HCST: variants seen among roughly 807,000 people sequenced by gnomAD.
HCST encodes the protein DNAX-activation protein 10.
Under a neutral mutation model 10.8 loss-of-function variants are expected in HCST, and 12 were observed. That is an observed-to-expected ratio of 1.12 (90% CI 0.72 to 1.81). The LOEUF (loss-of-function observed/expected upper bound fraction) is 1.81. HCST is among the 40% of genes most tolerant of loss of function. The pLI, the probability that HCST is intolerant of heterozygous loss-of-function variation, is 0.00. For synonymous variants in HCST, 59 were observed against 51.6 expected (o/e 1.14, Z -0.61); for missense variants, 102 against 117.9 (o/e 0.87, Z 0.62).
rs776053431 is a variant in HCST at position 35,903,811 on chromosome 19, T to C, written c.149T>C (p.Leu50Pro). The change falls in exon 3 of 4, where the codon CTG (leucine) becomes CCG (proline). Residue 50 changes from leucine (L) to proline (P), a missense_variant. Leu to Pro is a moderately conservative substitution (Grantham distance 98). Coordinates refer to ENST00000246551, the MANE Select transcript of HCST (RefSeq NM_014266.4). ...SGCGSLSLPLLAGLVAADAVA... is the reference protein window; with the variant it reads ...SGCGSLSLPLPAGLVAADAVA... ...TGTGGGTCCCTCTCTCTGCCGCTCC[T>C]GGCAGGCCTCGTGGCTGCTGATGCG... The C allele has an allele frequency of 2.0e-5, 33 of 1,614,078 alleles. 1 individual carries two copies. In the Admixed American group the frequency reaches 5.5e-4, roughly 27 times the overall value.
Position 35,903,887 on chromosome 19 carries a change from C to G in HCST, c.225C>G (p.Arg75=). 2.5e-6 allele frequency: 4 copies of G among 1,611,562 alleles called. No individual in the cohort carries two copies. The highest frequency in any genetic ancestry group is 3.4e-6 in the Non-Finnish European group (4 of 1,179,330). ...VGAVFLCARP[R]RSPAQEDGKV... ...CGGTGTTCCTGTGCGCACGCCCACG[C>G]CGCAGCCCCGCCCAAGGTGAGGGCG... Residue 75 remains arginine (R), a synonymous_variant, in exon 3 of 4, where the codon CGC becomes CGG. Transcript: ENST00000246551.
chr19:35,904,064 C>G, intron 3 of HCST, 56 bp from the exon 4 acceptor site: 1 of 1,610,022 alleles, frequency 6.2e-7, no homozygotes, highest in Middle Eastern at 1.7e-4. Context: ...AGGGGGTCCC[C>G]AGGGAAGTGG....
At chr19:35,903,524 C>T in intron 2 of HCST, 108 bp downstream of exon 2, 1 of 1,142,990 alleles carries the variant, frequency 8.7e-7, no homozygotes, top group Non-Finnish European at 1.3e-6. Flanking sequence ...CCGTGTCCTT[C>T]TCCGAGTCCC....
At position 35,904,231 on chromosome 19, in the gene HCST, C is replaced by T; in HGVS notation, c.*71C>T. 2.0e-6 allele frequency: 3 copies of T among 1,473,090 alleles called. No individual in the cohort carries two copies. The highest frequency in any genetic ancestry group is 2.8e-6 in the Non-Finnish European group (3 of 1,057,308). The allele number at this position is 1,473,090 out of a possible 1,614,324, so 91.3% of individuals were successfully genotyped here. A position where few individuals can be genotyped will look rare whatever the true frequency, so the allele number is the denominator to read the frequency against. Reference sequence around the variant, plus strand: ...ATGGTGTGTGGTGGCACAGGAACCCCCGCCCCAACTTTTGGATTGTAATAA... The same window carrying T: ...ATGGTGTGTGGTGGCACAGGAACCCTCGCCCCAACTTTTGGATTGTAATAA... On this transcript the variant is annotated 3_prime_UTR_variant, in exon 4 of 4. Transcript: ENST00000246551.
chr19:35,904,272 T>G lies in HCST; in HGVS notation c.*112T>G, dbSNP rs2146983947. 1 of 1,133,220 alleles carries G rather than the reference T, an allele frequency of 8.8e-7. No individual in the cohort carries two copies. The highest frequency in any genetic ancestry group is 1.3e-5 in the South Asian group (1 of 78,262). The allele number at this position is 1,133,220 out of a possible 1,614,324, so 70.2% of individuals were successfully genotyped here. On this transcript the variant is annotated 3_prime_UTR_variant, in exon 4 of 4. Coordinates refer to ENST00000246551, the MANE Select transcript of HCST (RefSeq NM_014266.4). ...ATTGTAATAAAACAATTGAAACACC[T>G]GTAGTCGTATTCTTTCTCAAAGAAC...
At position 35,902,625 on chromosome 19, in the gene HCST, T is replaced by C; in HGVS notation, c.32T>C (p.Leu11Pro). ...CATCTGGGTCACATCCTCTTCCTGC[T>C]TTTGCTCCCAGGTGAAGCCAGTGGT... MIHLGHILFL[L>P]LLPVAAAQTT... The change falls in exon 1 of 4, where the codon CTT becomes CCT. Residue 11 changes from leucine to proline, a missense_variant. Physicochemically the swap from Leu to Pro is moderately conservative, Grantham distance 98. Transcript: ENST00000246551. The C allele has an allele frequency of 6.2e-7, 1 of 1,614,118 alleles. No homozygotes were observed. Among genetic ancestry groups the C allele is most frequent in the Non-Finnish European group, 8.5e-7 (1 of 1,180,008 alleles).
Position 35,904,237 on chromosome 19 carries a change from CA to C in HCST, c.*79del, listed in dbSNP as rs1163845617. The C allele has an allele frequency of 4.7e-5, 68 of 1,435,246 alleles. No individual in the cohort carries two copies. In the East Asian group the frequency reaches 1.5e-3, roughly 32 times the overall value. 88.9% of individuals were successfully genotyped at this position (1,435,246 alleles called of 1,614,324 possible). ...TGTGGTGGCACAGGAACCCCCGCCCCAACTTTTGGATTGTAATAAAACAATT... is the reference window on the plus strand; with the variant it reads ...TGTGGTGGCACAGGAACCCCCGCCCCACTTTTGGATTGTAATAAAACAATT... On this transcript the variant is annotated 3_prime_UTR_variant, in exon 4 of 4. Coordinates refer to ENST00000246551, the MANE Select transcript of HCST (RefSeq NM_014266.4).
chr19:35,902,699 G>T (rs1190795061), intron 1 of HCST, 63 bp downstream of exon 1: 8 of 1,519,370 alleles, frequency 5.3e-6, no homozygotes. Flanking sequence ...CTTGGGTGAC[G>T]TCTGCAGGGA....
rs1236714046 is a variant in HCST at position 35,903,376 on chromosome 19, A to G, written c.69A>G (p.Gly23=). 4 of 1,613,762 alleles carry G rather than the reference A, an allele frequency of 2.5e-6. No homozygotes were observed. Among genetic ancestry groups the G allele is most frequent in the Non-Finnish European group, 3.4e-6 (4 of 1,179,924 alleles). ...TGGCTGCAGCTCAGACGACTCCAGG[A>G]GAGAGATCATCACTCCCTGCCTTTT... ...LPVAAAQTTP[G]ERSSLPAFYP... The change falls in exon 2 of 4, where the codon GGA becomes GGG. Residue 23 remains glycine, a synonymous_variant. Transcript: ENST00000246551.
chr19:35,903,136 G>A (rs1012631536), intron 1 of HCST: 1 of 517,410 alleles, frequency 1.9e-6, no homozygotes, highest in Non-Finnish European at 3.5e-6. Context: ...GATTACAGGT[G>A]TGAACCAACA....
intron 3 of HCST, 95 bp from the exon 4 acceptor site, chr19:35,904,024 TG>T: frequency 6.3e-7 from 1 of 1,590,928 alleles, no homozygotes. Flanking sequence ...GGGAGGTGCC[TG>T]GGGGAACCCC....
Position 35,904,352 on chromosome 19 carries a change from T to G in HCST, c.*192T>G. On this transcript the variant is annotated 3_prime_UTR_variant, in exon 4 of 4. Coordinates refer to ENST00000246551, the MANE Select transcript of HCST (RefSeq NM_014266.4). Reference sequence around the variant, plus strand: ...AACTGTTTCTGGATCCAAGGCCCCCTCAGAACCCCCACATGTCCCCATCCC... The same window carrying G: ...AACTGTTTCTGGATCCAAGGCCCCCGCAGAACCCCCACATGTCCCCATCCC... 1 of 809,320 alleles carries G rather than the reference T, an allele frequency of 1.2e-6. No homozygotes were observed. The allele number at this position is 809,320 out of a possible 1,614,324, so 50.1% of individuals were successfully genotyped here. A position where few individuals can be genotyped will look rare whatever the true frequency, so the allele number is the denominator to read the frequency against.
chr19:35,902,894 A>T, intron 1 of HCST: 1 of 516,948 alleles, frequency 1.9e-6, no homozygotes, highest in South Asian at 2.3e-5. Flanking sequence ...GTCACTCTCC[A>T]TGTCTCTGGG....
At chr19:35,903,664 A>G in intron 2 of HCST, 108 bp from the exon 3 acceptor site, 3 of 1,523,980 alleles carry the variant, frequency 2.0e-6, no homozygotes, top group Non-Finnish European at 2.7e-6. Flanking sequence ...ACTCCAAGGA[A>G]CCTGGGACCC....
At position 35,903,153 on chromosome 19, in the gene HCST, G is replaced by A. The variant is rs1048133776; in HGVS notation, c.44-198G>A. ...TTACAGGTGTGAACCAACACTTCCA[G>A]CTAATTTTTGTATTTCTTGTAGAGA... is the stretch of plus-strand genomic sequence containing the variant. On this transcript the variant is annotated intron_variant, in intron 1 of 3. Transcript: ENST00000246551. 5 of 532,836 alleles carry A rather than the reference G, an allele frequency of 9.4e-6. No individual in the cohort carries two copies. The East Asian group carries it at 1.7e-4, about 18-fold the overall frequency. 33.0% of individuals were successfully genotyped at this position (532,836 alleles called of 1,614,324 possible). A position where few individuals can be genotyped will look rare whatever the true frequency, so the allele number is the denominator to read the frequency against.
At position 35,903,760 on chromosome 19, in the gene HCST, CCCA is replaced by C; in HGVS notation, c.110-10_110-8del. On this transcript the variant is annotated splice_polypyrimidine_tract_variant and intron_variant, in intron 2 of 3. Transcript: ENST00000246551. ...CTTGAGTTGTCTCCCTGTTCCGGCC[CCCA>C]CTCTCCAGGCTCTTGTTCCGGATGT... is the stretch of plus-strand genomic sequence containing the variant. The C allele has an allele frequency of 6.2e-7, 1 of 1,614,082 alleles. No homozygotes were observed. Among genetic ancestry groups the C allele is most frequent in the East Asian group, 2.2e-5 (1 of 44,890 alleles).
At chr19:35,903,564 G>A in intron 2 of HCST, 148 bp downstream of exon 2, 2 of 1,009,810 alleles carry the variant, frequency 2.0e-6, no homozygotes, top group Non-Finnish European at 3.0e-6. Flanking sequence ...CTGTGTTCAG[G>A]AGCACCCCGT....
At chr19:35,902,674 T>C in intron 1 of HCST, 38 bp downstream of exon 1, 1 of 1,607,970 alleles carries the variant, frequency 6.2e-7, no homozygotes, top group South Asian at 1.1e-5. Flanking sequence ...AGGCAGAGCG[T>C]TTGTGAGATG....
intron 3 of HCST, 69 bp from the exon 4 acceptor site, chr19:35,904,051 A>G (rs1328297480): frequency 6.2e-6 from 10 of 1,600,210 alleles, no homozygotes; most frequent in Non-Finnish European, 8.6e-6. Flanking sequence ...AAACCCCTGA[A>G]GCAGGGGGTC....
Sources: gnomAD v4.1 joint callset for allele counts on GRCh38, gnomAD v4.1.1 for gene constraint, MANE v1.5 for transcripts, NCBI Gene and HGNC (gene_info 2026-07-23, HGNC 2026-07-21) for gene names.